Variants in ECT2L observed in about 807,000 individuals in gnomAD.
ECT2L encodes epithelial cell-transforming sequence 2 oncogene-like.
In ECT2L, 126 loss-of-function variants were observed where a neutral mutation model predicts 122.8. The observed-to-expected ratio is 1.03, with a 90% CI of 0.89 to 1.19. The LOEUF (loss-of-function observed/expected upper bound fraction) is 1.19. Ranked by LOEUF, ECT2L falls within the 50% of genes most tolerant of loss-of-function variation. The probability of loss-of-function intolerance (pLI) is 0.00; values close to 1 mark genes in which losing one functional copy is unlikely to be tolerated. For synonymous variants in ECT2L, 385 were observed against 381.8 expected (o/e 1.01, Z -0.10); for missense variants, 1,012 against 1,064.1 (o/e 0.95, Z 0.68).
At chr6:138,824,898 G>A (rs985139210) in intron 4 of ECT2L, among the ~76,000 whole-genome samples, 5 of 152,102 alleles carry the variant, frequency 3.3e-5, no homozygotes, top group Non-Finnish European at 5.9e-5. Flanking sequence ...TCCACCCCCC[G>A]GAACCACATC....
intron 1 of ECT2L, among the ~76,000 whole-genome samples, chr6:138,798,412 T>G (rs1272701308): frequency 6.6e-6 from 1 of 152,034 alleles, no homozygotes; most frequent in Non-Finnish European, 1.5e-5. Context: ...CCCAGGAAAT[T>G]CCAAGGGATT....
chr6:138,880,977 C>T lies in ECT2L; in HGVS notation c.1686C>T (p.Asp562=), dbSNP rs1300982467. Residue 562 remains aspartate (D), a synonymous_variant, in exon 15 of 22, where the codon GAC becomes GAT. Transcript: ENST00000541398. ...TACAGGAGAGAATACTCCAGAAGGA[C>T]TCAGCAGAAAAGCGAGCTAGAGTTG... ...LINLERILQK[D]SAEKRARVVR... is the part of the protein sequence containing the mutation. 4 of 1,613,830 alleles carry T rather than the reference C, an allele frequency of 2.5e-6. No homozygotes were observed. The highest frequency in any genetic ancestry group is 2.5e-6 in the Non-Finnish European group (3 of 1,179,900).
chr6:138,846,464 G>A, intron 7 of ECT2L, 75 bp from the exon 8 acceptor site: 1 of 1,414,244 alleles, frequency 7.1e-7, no homozygotes, highest in Admixed American at 2.4e-5. Flanking sequence ...GATGCCCAGA[G>A]ACATATGCTG....
intron 4 of ECT2L, among the ~76,000 whole-genome samples, chr6:138,834,406 T>A (rs1344417430): frequency 6.6e-6 from 1 of 152,210 alleles, no homozygotes; most frequent in Non-Finnish European, 1.5e-5. Flanking sequence ...CGTGTCCTTG[T>A]AGCAGCATAG....
intron 15 of ECT2L, 88 bp downstream of exon 15, chr6:138,881,259 C>T (rs1778637454): frequency 7.7e-7 from 1 of 1,300,410 alleles, no homozygotes; most frequent in Non-Finnish European, 1.1e-6. Flanking sequence ...TATGGAGGTG[C>T]AATGATGCTC....
At chr6:138,818,619 C>G (rs1287075943) in intron 4 of ECT2L, among the ~76,000 whole-genome samples, 3 of 152,114 alleles carry the variant, frequency 2.0e-5, no homozygotes, top group Non-Finnish European at 2.9e-5. Context: ...TTACTGAGAA[C>G]CTTGGAGATA....
chr6:138,842,793 A>T (rs925835208), intron 5 of ECT2L, among the ~76,000 whole-genome samples, 186 bp from the exon 6 acceptor site: 6 of 152,118 alleles, frequency 3.9e-5, no homozygotes, highest in Non-Finnish European at 8.8e-5. Flanking sequence ...AATAAAATAT[A>T]AAAAAAATTA....
intron 4 of ECT2L, among the ~76,000 whole-genome samples, chr6:138,819,762 C>T (rs1190481442): frequency 1.3e-5 from 2 of 151,874 alleles, no homozygotes; most frequent in African/African-American, 4.8e-5. Flanking sequence ...TGGCGGGCAC[C>T]TCTAATCCCA....
chr6:138,852,189 G>A (rs543327347), intron 9 of ECT2L, among the ~76,000 whole-genome samples: 5 of 152,338 alleles, frequency 3.3e-5, no homozygotes, highest in East Asian at 3.9e-4. Flanking sequence ...GGAGGATCCC[G>A]GCGGGGCAGA....
intron 20 of ECT2L, among the ~76,000 whole-genome samples, chr6:138,895,753 T>C (rs1293710941): frequency 6.6e-6 from 1 of 151,990 alleles, no homozygotes; most frequent in East Asian, 1.9e-4. Flanking sequence ...TTTGTATTTT[T>C]AGTAGAGATG....
chr6:138,853,627 C>T (rs906829344), intron 9 of ECT2L, among the ~76,000 whole-genome samples: 3 of 152,144 alleles, frequency 2.0e-5, no homozygotes, highest in Non-Finnish European at 4.4e-5. Context: ...TGTTTACCAT[C>T]TCTGGGAGCC....
intron 13 of ECT2L, among the ~76,000 whole-genome samples, chr6:138,875,863 G>A (rs1422240620): frequency 6.6e-6 from 1 of 152,230 alleles, no homozygotes; most frequent in African/African-American, 2.4e-5. Flanking sequence ...GCTCATGCCT[G>A]TAATCCCAGC....
At chr6:138,838,598 G>A in intron 5 of ECT2L, 84 bp downstream of exon 5, 4 of 1,363,646 alleles carry the variant, frequency 2.9e-6, no homozygotes, top group African/African-American at 1.5e-5. Flanking sequence ...TCCCGTCCCT[G>A]AAGACAATAG....
chr6:138,870,710 G>A (rs1778223029), intron 13 of ECT2L, among the ~76,000 whole-genome samples: 1 of 151,978 alleles, frequency 6.6e-6, no homozygotes, highest in South Asian at 2.1e-4. Context: ...GAAAAAAATG[G>A]GTTTAAAGCG....
At chr6:138,891,165 T>C (rs1462703480) in intron 20 of ECT2L, among the ~76,000 whole-genome samples, 1 of 152,186 alleles carries the variant, frequency 6.6e-6, no homozygotes, top group Admixed American at 6.5e-5. Context: ...ACTGATAAAA[T>C]GAACTCCTTG....
intron 13 of ECT2L, among the ~76,000 whole-genome samples, chr6:138,872,038 A>C (rs1171286926): frequency 6.6e-6 from 1 of 151,632 alleles, no homozygotes; most frequent in Non-Finnish European, 1.5e-5. Context: ...ACAGTGGCAC[A>C]ATTATAGCTC....
chr6:138,819,925 A>C (rs1426791840), intron 4 of ECT2L, among the ~76,000 whole-genome samples: 1 of 152,120 alleles, frequency 6.6e-6, no homozygotes, highest in Non-Finnish European at 1.5e-5. Flanking sequence ...AAGTGTTAGA[A>C]TATAGGAGAT....
intron 4 of ECT2L, chr6:138,823,429 T>C: frequency 5.6e-6 from 9 of 1,608,654 alleles, no homozygotes; most frequent in African/African-American, 1.4e-5. Flanking sequence ...AGGACACTCA[T>C]GAAGATGCCA....
intron 9 of ECT2L, among the ~76,000 whole-genome samples, chr6:138,850,555 T>G (rs78001064): frequency 0.027 from 4,070 of 152,306 alleles, 184 homozygotes; most frequent in African/African-American, 0.093. Flanking sequence ...CATCCACTGA[T>G]GGAAACTGGG....
Sources: gnomAD v4.1 joint callset for allele counts (sites outside exome capture counted in the v4.1 genomes callset) on GRCh38, gnomAD v4.1.1 for gene constraint, MANE v1.5 for transcripts, NCBI Gene and HGNC (gene_info 2026-07-23, HGNC 2026-07-21) for gene names.